Variants in TTLL9 observed in about 807,000 individuals in gnomAD.
TTLL9 encodes the protein tubulin tyrosine ligase like 9, also known as probable tubulin polyglutamylase TTLL9.
A neutral mutation model predicts 65.6 loss-of-function variants in TTLL9; 47 were observed. The observed-to-expected ratio is 0.72, with a 90% CI of 0.57 to 0.91. The LOEUF (loss-of-function observed/expected upper bound fraction) is 0.91. TTLL9 is among the 40% of genes least tolerant of loss of function. The pLI is 0.00. For synonymous variants in TTLL9, 179 were observed against 204.8 expected, an observed-to-expected ratio of 0.87 and a Z score of 1.07; for missense variants, 537 against 568.8, an observed-to-expected ratio of 0.94 and a Z score of 0.57.
At chr20:31,871,218 G>C (rs769455254) in intron 2 of TTLL9, 23 bp downstream of exon 2, 2 of 1,612,206 alleles carry the variant, frequency 1.2e-6, no homozygotes, top group East Asian at 2.2e-5. Context: ...AGAGGGGTTT[G>C]AGGGAGGGTT....
chr20:31,912,012 C>T (rs1393729615), intron 6 of TTLL9, among the ~76,000 whole-genome samples: 2 of 151,972 alleles, frequency 1.3e-5, no homozygotes, highest in Middle Eastern at 6.3e-3. Context: ...TCACTCGACC[C>T]CCTTAAGTCC....
Position 31,898,571 on chromosome 20 carries a change from A to G in TTLL9, c.206+6A>G. The stretch of plus-strand genomic sequence containing the variant: ...GGATGGGTGGAAGTGAAGGAGTAAG[A>G]CCCTCCCCCCAGCCTTGTCCCTCCT... On this transcript the variant is annotated splice_donor_region_variant and intron_variant, in intron 4 of 14. Coordinates refer to ENST00000535842, the MANE Select transcript of TTLL9 (RefSeq NM_001008409.5). The G allele has an allele frequency of 1.2e-6, 2 of 1,612,630 alleles. No individual in the cohort carries two copies. The highest frequency in any genetic ancestry group is 4.5e-5 in the East Asian group (2 of 44,858).
intron 7 of TTLL9, among the ~76,000 whole-genome samples, chr20:31,921,755 T>C (rs2063818975): frequency 6.6e-6 from 1 of 151,568 alleles, no homozygotes; most frequent in Admixed American, 6.6e-5. Context: ...TTCTCACTCA[T>C]AGGTGGGAAT....
chr20:31,930,021 G>T (rs141584844), intron 10 of TTLL9, among the ~76,000 whole-genome samples: 2,092 of 152,196 alleles, frequency 0.014, 34 homozygotes, highest in Non-Finnish European at 0.017. Context: ...CCAGCTACTC[G>T]GGAGGCTGAG....
chr20:31,939,370 A>T, intron 14 of TTLL9, 104 bp downstream of exon 14: 1 of 1,334,870 alleles, frequency 7.5e-7, no homozygotes, highest in Non-Finnish European at 1.0e-6. Context: ...TTTGAATTCA[A>T]TCTGCAACTT....
chr20:31,902,067 C>T (rs967617038), intron 4 of TTLL9, among the ~76,000 whole-genome samples: 2 of 152,034 alleles, frequency 1.3e-5, no homozygotes, highest in Admixed American at 6.5e-5. Flanking sequence ...TATAGAATTT[C>T]GTGTCTTTTA....
chr20:31,919,823 G>A (rs1447910074), intron 6 of TTLL9, 41 bp from the exon 7 acceptor site: 3 of 1,525,436 alleles, frequency 2.0e-6, no homozygotes, highest in Non-Finnish European at 2.6e-6. Context: ...AAGGAACCAC[G>A]CAGAGCTAAG....
intron 8 of TTLL9, among the ~76,000 whole-genome samples, chr20:31,924,243 C>T (rs1258472303): frequency 1.3e-5 from 2 of 152,162 alleles, no homozygotes; most frequent in Non-Finnish European, 2.9e-5. Context: ...CTTCACTCCA[C>T]CCCAACGTGG....
chr20:31,913,389 A>T (rs542719383), intron 6 of TTLL9, among the ~76,000 whole-genome samples: 2 of 152,184 alleles, frequency 1.3e-5, no homozygotes, highest in South Asian at 4.2e-4. Flanking sequence ...AGGAGGAGAG[A>T]GTGTTAAAAA....
chr20:31,932,133 GT>G (rs2064024686), intron 10 of TTLL9, among the ~76,000 whole-genome samples: 4 of 152,174 alleles, frequency 2.6e-5, no homozygotes, highest in Admixed American at 2.0e-4. Flanking sequence ...GAGGTCAGAA[GT>G]TTGAGACCAG....
rs371391419 is a variant in TTLL9 at position 31,933,907 on chromosome 20, G to C, written c.807+49G>C. 2.8e-5 allele frequency: 44 copies of C among 1,561,626 alleles called. No individual in the cohort carries two copies. The African/African-American group carries it at 5.4e-4, about 19-fold the overall frequency. On this transcript the variant is annotated intron_variant, in intron 11 of 14. Coordinates refer to ENST00000535842, the MANE Select transcript of TTLL9 (RefSeq NM_001008409.5). ...GCACGGGTACAGCCCTCTGGCGCCA[G>C]GTCGGGGTGGGGAGGGTGGAGTGGC...
intron 7 of TTLL9, among the ~76,000 whole-genome samples, chr20:31,920,207 G>A (rs937388338): frequency 2.7e-5 from 4 of 150,494 alleles, no homozygotes; most frequent in Admixed American, 6.7e-5. Flanking sequence ...TAAGGATGCA[G>A]TGAGCTAATA....
Position 31,937,482 on chromosome 20 carries a change from C to T in TTLL9, c.1091C>T (p.Thr364Ile), listed in dbSNP as rs538754070. The change falls in exon 13 of 15, where the codon ACC becomes ATC. Residue 364 changes from threonine to isoleucine, a missense_variant. Transcript: ENST00000535842. ...CTCAAGACCTGCCTCCTGGAAGACA[C>T]CCTGCATGTTGTGGACATGGAAGCG... ...YELKTCLLED[T>I]LHVVDMEARL... 2.5e-6 allele frequency: 4 copies of T among 1,613,750 alleles called. No individual in the cohort carries two copies. In the East Asian group the frequency reaches 6.7e-5, roughly 27 times the overall value.
intron 6 of TTLL9, among the ~76,000 whole-genome samples, chr20:31,917,900 G>A (rs957949771): frequency 1.2e-4 from 19 of 152,144 alleles, no homozygotes; most frequent in South Asian, 4.1e-4. Context: ...GATTCAGGGC[G>A]GGAGAGTTTA....
chr20:31,872,317 G>C (rs6061005), intron 2 of TTLL9, among the ~76,000 whole-genome samples: 5 of 152,264 alleles, frequency 3.3e-5, no homozygotes, highest in Admixed American at 3.3e-4. Flanking sequence ...GGGATGCTGA[G>C]GTGGGAGGAT....
intron 6 of TTLL9, among the ~76,000 whole-genome samples, chr20:31,914,792 G>A (rs1049418515): frequency 1.3e-5 from 2 of 152,184 alleles, no homozygotes; most frequent in Non-Finnish European, 2.9e-5. Context: ...CTCAGGAATG[G>A]CCGGTCTTCA....
chr20:31,934,252 G>A (rs1049947908), intron 11 of TTLL9: 3 of 498,994 alleles, frequency 6.0e-6, no homozygotes, highest in African/African-American at 3.8e-5. Flanking sequence ...TCAGAGTCAA[G>A]GGCCAGATCA....
rs937052177 is a variant in TTLL9, at chr20:31,887,000, C to T, written c.70-196C>T. On this transcript the variant is annotated intron_variant, in intron 2 of 14. Transcript: ENST00000535842. ...CCTTGGATACTTGGGAGTTCATTCA[C>T]AGCAGATAAATTCTGGTCCATTTGC... 7.9e-5 allele frequency among the ~76,000 whole-genome samples: 12 copies of T among 152,202 alleles called. 1 individual carries two copies. The highest frequency in any genetic ancestry group is 1.6e-4 in the Non-Finnish European group (11 of 68,040).
At chr20:31,909,946 G>T in intron 6 of TTLL9, 24 bp downstream of exon 6, 2 of 1,567,452 alleles carry the variant, frequency 1.3e-6, no homozygotes, top group South Asian at 1.1e-5. Flanking sequence ...GCCAGGGGCT[G>T]GGTGGGAGGG....
Sources: gnomAD v4.1 joint callset for allele counts (sites outside exome capture counted in the v4.1 genomes callset) on GRCh38, gnomAD v4.1.1 for gene constraint, MANE v1.5 for transcripts, NCBI Gene and HGNC (gene_info 2026-07-23, HGNC 2026-07-21) for gene names.